TMEM223: variants seen among roughly 807,000 people sequenced by gnomAD.
The protein encoded by TMEM223 is transmembrane protein 223.
A neutral mutation model predicts 14.1 loss-of-function variants in TMEM223; 14 were observed. The observed-to-expected ratio is 0.99, with a 90% CI of 0.66 to 1.55. The LOEUF is 1.55. TMEM223 is among the 40% of genes most tolerant of loss of function. TMEM223 has a pLI of 0.00. For synonymous variants in TMEM223, 145 were observed against 120.5 expected, an observed-to-expected ratio of 1.20 and a Z score of -1.33; for missense variants, 346 against 269.9, an observed-to-expected ratio of 1.28 and a Z score of -1.97.
At chr11:62,788,661 G>A (rs1338263776), downstream of TMEM223, among the ~76,000 whole-genome samples, 2 of 137,092 alleles carry the variant, frequency 1.5e-5, no homozygotes, top group Non-Finnish European at 3.1e-5. Flanking sequence ...CCGAGATGGC[G>A]CCACTGCACT....
chr11:62,780,745 C>T (rs948871890), intron 1 of TMEM223, among the ~76,000 whole-genome samples: 2 of 150,574 alleles, frequency 1.3e-5, no homozygotes, highest in Non-Finnish European at 3.0e-5. Context: ...GCCTGGCCAA[C>T]ATGGTGATTT....
downstream of TMEM223, chr11:62,789,524 T>C (rs1240639093): frequency 2.5e-6 from 4 of 1,587,134 alleles, no homozygotes; most frequent in Non-Finnish European, 3.4e-6. Context: ...TGCTCTCAAC[T>C]CACAGGGCAC....
Position 62,790,842 on chromosome 11 carries a change from C to T in TMEM223, c.390G>A (p.Gly130=), listed in dbSNP as rs2084352683. The T allele has an allele frequency of 6.2e-7, 1 of 1,604,504 alleles. No individual in the cohort carries two copies. Among genetic ancestry groups the T allele is most frequent in the Non-Finnish European group, 8.5e-7 (1 of 1,175,662 alleles). ...SVRSVVLRAG[G]QQVTLTTHAP... is the part of the protein sequence containing the mutation. The stretch of plus-strand genomic sequence containing the variant: ...CATGAGTGGTGAGGGTCACCTGCTG[C>T]CCTCCAGCTCGAAGCACCACTGAGC... The change falls in exon 2 of 2, where the codon GGG becomes GGA. Residue 130 remains glycine, a synonymous_variant. Coordinates refer to ENST00000307366, the MANE Select transcript of TMEM223 (RefSeq NM_001080501.3).
downstream of TMEM223, chr11:62,787,117 A>G: frequency 2.6e-6 from 4 of 1,553,822 alleles, no homozygotes; most frequent in Non-Finnish European, 2.6e-6. Context: ...TCGTTTCATC[A>G]TAGCCGGGCG....
intron 2 of TMEM223, among the ~76,000 whole-genome samples, chr11:62,773,707 G>A (rs555761472): frequency 2.0e-5 from 3 of 151,954 alleles, no homozygotes; most frequent in East Asian, 1.9e-4. Flanking sequence ...CTTGGCCTCC[G>A]AAAGTGCTGG....
chr11:62,775,002 T>C (rs1283874580), intron 1 of TMEM223, among the ~76,000 whole-genome samples: 2 of 148,010 alleles, frequency 1.4e-5, no homozygotes, highest in Non-Finnish European at 3.0e-5. Context: ...AGGCGGAGGT[T>C]GCAGTGAGCT....
At chr11:62,783,470 A>C (rs2084245785), downstream of TMEM223, among the ~76,000 whole-genome samples, 1 of 149,880 alleles carries the variant, frequency 6.7e-6, no homozygotes, top group Non-Finnish European at 1.5e-5. Flanking sequence ...CGACAGAGCG[A>C]GACTCTGTCT....
chr11:62,777,895 C>T, intron 1 of TMEM223: 1 of 1,514,580 alleles, frequency 6.6e-7, no homozygotes. Context: ...GCTCTCTGCT[C>T]TGGTCAGTGG....
intron 1 of TMEM223, among the ~76,000 whole-genome samples, chr11:62,780,370 G>A (rs930719279): frequency 2.7e-5 from 4 of 150,402 alleles, no homozygotes; most frequent in Non-Finnish European, 5.9e-5. Context: ...AATTAGTCAC[G>A]TGTGGTGGTG....
rs1213724853 is a variant in TMEM223 at position 62,790,798 on chromosome 11, G to A, written c.434C>T (p.Ala145Val). 6.2e-7 allele frequency: 1 copy of A among 1,606,474 alleles called. No homozygotes were observed. The highest frequency in any genetic ancestry group is 8.5e-7 in the Non-Finnish European group (1 of 1,176,420). ...LTTHAPFGLG[A>V]HFTVPLKQVS... is the part of the protein sequence containing the mutation. ...CTGCTTCAAAGGAACTGTGAAATGG[G>A]CCCCCAAGCCAAAGGGGGCATGAGT... The change falls in exon 2 of 2, where the codon GCC (alanine) becomes GTC (valine). Residue 145 changes from alanine (A) to valine (V), a missense_variant. Transcript: ENST00000307366.
intron 1 of TMEM223, chr11:62,782,341 C>T: frequency 6.2e-7 from 1 of 1,612,616 alleles, no homozygotes; most frequent in East Asian, 2.2e-5. Flanking sequence ...CTGGTAGCCA[C>T]TGGGCCTAAA....
chr11:62,775,967 C>T (rs1308806288), intron 1 of TMEM223: 1 of 1,569,850 alleles, frequency 6.4e-7, no homozygotes, highest in Non-Finnish European at 8.6e-7. Context: ...TCCAACTTTC[C>T]TTGTTTCTGC....
At chr11:62,782,266 A>C (rs1590936589) in intron 1 of TMEM223, 2 of 1,614,170 alleles carry the variant, frequency 1.2e-6, no homozygotes, top group Non-Finnish European at 1.7e-6. Context: ...GGCTGCCTCC[A>C]TCAACCCCCT....
At chr11:62,791,434 T>C (rs186635915) in intron 1 of TMEM223, among the ~76,000 whole-genome samples, 1 of 151,954 alleles carries the variant, frequency 6.6e-6, no homozygotes, top group Non-Finnish European at 1.5e-5. Flanking sequence ...ATTTTTTGTA[T>C]TTTTAGTAGA....
downstream of TMEM223, chr11:62,787,986 A>G: frequency 2.1e-6 from 1 of 465,292 alleles, no homozygotes; most frequent in Non-Finnish European, 4.3e-6. Flanking sequence ...GAAAACGCTG[A>G]CGTAAAGGTA....
At chr11:62,779,976 A>ATTTTTTTTTTTT (rs1277954265) in intron 1 of TMEM223, among the ~76,000 whole-genome samples, 17 of 52,612 alleles carry the variant, frequency 3.2e-4, no homozygotes, top group Non-Finnish European at 4.4e-4. Context: ...ATATATATAT[A>ATTTTTTTTTTTT]TTTTTTTTTT....
chr11:62,782,513 C>T (rs923090079), downstream of TMEM223: 15 of 1,057,482 alleles, frequency 1.4e-5, no homozygotes, highest in Admixed American at 1.3e-4. Flanking sequence ...ATTACAAATA[C>T]GCCAAGGTAT....
chr11:62,791,695 G>A lies in TMEM223; in HGVS notation c.300C>T (p.Val100=). 5 of 1,539,772 alleles carry A rather than the reference G, an allele frequency of 3.2e-6. No homozygotes were observed. The highest frequency in any genetic ancestry group is 4.4e-6 in the Non-Finnish European group (5 of 1,142,016). ...ACGTCTTACCGATGGCGCCGCAGCC[G>A]ACGGCCAGACCGTAGCGCCAGAGCG... The part of the protein sequence containing the change: ...RSALWRYGLA[V]GCGAIGALVL... Residue 100 remains valine (V), a synonymous_variant, in exon 1 of 2, where the codon GTC becomes GTT. Coordinates refer to ENST00000307366, the MANE Select transcript of TMEM223 (RefSeq NM_001080501.3).
At chr11:62,787,314 TC>T, downstream of TMEM223, 2 of 1,526,768 alleles carry the variant, frequency 1.3e-6, no homozygotes. Context: ...GCCCCTTCGT[TC>T]CTTGTAAATA....
Sources: gnomAD v4.1 joint callset for allele counts (sites outside exome capture counted in the v4.1 genomes callset) on GRCh38, gnomAD v4.1.1 for gene constraint, MANE v1.5 for transcripts, NCBI Gene and HGNC (gene_info 2026-07-23, HGNC 2026-07-21) for gene names.